The following CACNG6 variants were observed in gnomAD, a reference collection of about 807,000 sequenced individuals.
CACNG6 encodes the protein voltage-dependent calcium channel gamma-6 subunit.
Under a neutral mutation model 23.9 loss-of-function variants are expected in CACNG6, and 21 were observed. That is an observed-to-expected ratio of 0.88 (90% CI 0.62 to 1.26). CACNG6 has a LOEUF of 1.26. Ranked by LOEUF, CACNG6 falls within the 50% of genes most tolerant of loss-of-function variation. The probability of loss-of-function intolerance (pLI) is 0.00; values close to 1 mark genes in which losing one functional copy is unlikely to be tolerated. For missense variants in CACNG6, 340 were observed against 352.9 expected, an observed-to-expected ratio of 0.96 and a Z score of 0.29; for synonymous variants, 182 against 168.9, an observed-to-expected ratio of 1.08 and a Z score of -0.60.
intron 3 of CACNG6, among the ~76,000 whole-genome samples, chr19:54,004,122 A>G (rs948076259): frequency 6.6e-6 from 1 of 151,008 alleles, no homozygotes; most frequent in Non-Finnish European, 1.5e-5. Context: ...CTCCCAAACT[A>G]TTGGGATGAC....
At chr19:54,003,265 G>A (rs1204525116) in intron 3 of CACNG6, among the ~76,000 whole-genome samples, 1 of 152,210 alleles carries the variant, frequency 6.6e-6, no homozygotes, top group Non-Finnish European at 1.5e-5. Flanking sequence ...CTGGTGCATT[G>A]AAAGTCCTGC....
In CACNG6 at chr19:53,993,063, G is replaced by C; in HGVS notation, c.186G>C (p.Trp62Cys). The part of the protein sequence containing the change: ...LAVLSVGTEF[W>C]VELNTYKANG... ...TGCTGTCCGTGGGCACCGAGTTCTG[G>C]GTGGAGCTCAACACCTACAAGGCCA... Residue 62 changes from tryptophan (W) to cysteine (C), a missense_variant, in exon 1 of 4, where the codon TGG becomes TGC. Trp to Cys is a radical substitution (Grantham distance 215, BLOSUM62 -2). Coordinates refer to ENST00000252729, the MANE Select transcript of CACNG6 (RefSeq NM_145814.2). 1 of 1,530,564 alleles carries C rather than the reference G, an allele frequency of 6.5e-7. No homozygotes were observed. Among genetic ancestry groups the C allele is most frequent in the Non-Finnish European group, 8.8e-7 (1 of 1,138,084 alleles). The allele number at this position is 1,530,564 out of a possible 1,614,324, so 94.8% of individuals were successfully genotyped here.
rs1279871477 is a variant in CACNG6, at chr19:53,992,249, G to A, written c.-629G>A. The A allele has an allele frequency of 6.6e-6, 1 of 152,104 alleles. No individual in the cohort carries two copies. The highest frequency in any genetic ancestry group is 1.5e-5 in the Non-Finnish European group (1 of 68,042). 9.4% of individuals were successfully genotyped at this position (152,104 alleles called of 1,614,324 possible). A position where few individuals can be genotyped will look rare whatever the true frequency, so the allele number is the denominator to read the frequency against. On this transcript the variant is annotated 5_prime_UTR_variant, in exon 1 of 4. Transcript: ENST00000252729. This position sits in a 1 kb window ranked among gnomAD's most constrained non-coding sequence, Gnocchi z 4.1. ...TCCGACCTCCCCTTGGGAGCTTCCC[G>A]GGACCCCAGGTCTTCCTTTTCCGAA...
chr19:54,004,333 TTTTGTG>T (rs1167985172), intron 3 of CACNG6, among the ~76,000 whole-genome samples: 223 of 104,406 alleles, frequency 2.1e-3, no homozygotes, highest in Non-Finnish European at 2.6e-3. Context: ...AATTTTGTAT[TTTTGTG>T]TGTGTGTGTG....
chr19:54,006,517 C>CTTTTTTTTTTTTTTTTTTTTTTTT (rs1236056716), intron 3 of CACNG6, among the ~76,000 whole-genome samples: 24 of 107,324 alleles, frequency 2.2e-4, no homozygotes, highest in African/African-American at 8.6e-4. Context: ...TTCCTTCTTT[C>CTTTTTTTTTTTTTTTTTTTTTTTT]TTTTCTTTTT....
chr19:54,011,495 C>CCTACAGTG (rs1271569704), intron 3 of CACNG6, among the ~76,000 whole-genome samples: 1 of 151,030 alleles, frequency 6.6e-6, no homozygotes, highest in African/African-American at 2.4e-5. Context: ...CCATATTCAC[C>CCTACAGTG]CTACAGTGCT....
Position 54,012,471 on chromosome 19 carries a change from G to C in CACNG6, c.*282G>C, listed in dbSNP as rs903856487. 3.6e-6 allele frequency: 1 copy of C among 280,824 alleles called. No homozygotes were observed. The highest frequency in any genetic ancestry group is 2.2e-5 in the African/African-American group (1 of 45,304). The allele number at this position is 280,824 out of a possible 1,614,324, so 17.4% of individuals were successfully genotyped here. A position where few individuals can be genotyped will look rare whatever the true frequency, so the allele number is the denominator to read the frequency against. On this transcript the variant is annotated 3_prime_UTR_variant, in exon 4 of 4. Coordinates refer to ENST00000252729, the MANE Select transcript of CACNG6 (RefSeq NM_145814.2). ...GGCGGGGACCTGATGGGGTAGCTGG[G>C]GTGTGGGGTTGGGGGATGAGGTCAG...
Position 53,992,808 on chromosome 19 carries a change from C to G in CACNG6, c.-70C>G. The G allele has an allele frequency of 2.6e-6, 3 of 1,152,592 alleles. No individual in the cohort carries two copies. Among genetic ancestry groups the G allele is most frequent in the African/African-American group, 1.6e-5 (1 of 62,546 alleles). 71.4% of individuals were successfully genotyped at this position (1,152,592 alleles called of 1,614,324 possible). ...CCCCCTTCAAGACCCCAGGCCGCTC[C>G]TCGCTCCCGCCCCTCGAGGCCCTTC... On this transcript the variant is annotated 5_prime_UTR_variant, in exon 1 of 4. Coordinates refer to ENST00000252729, the MANE Select transcript of CACNG6 (RefSeq NM_145814.2). The surrounding 1 kb of genome is among the most constrained non-coding windows in gnomAD (Gnocchi z 4.1).
intron 1 of CACNG6, among the ~76,000 whole-genome samples, chr19:53,996,053 C>G (rs960021130): frequency 6.6e-6 from 1 of 152,240 alleles, no homozygotes; most frequent in Non-Finnish European, 1.5e-5. Flanking sequence ...CCTCGGGGTA[C>G]TTGGGGAGCG....
At chr19:54,002,566 G>A (rs2069592065) in intron 3 of CACNG6, among the ~76,000 whole-genome samples, 1 of 150,740 alleles carries the variant, frequency 6.6e-6, no homozygotes, top group South Asian at 2.1e-4. Context: ...GCTAGGAGCC[G>A]CTGAGGACGC....
intron 3 of CACNG6, among the ~76,000 whole-genome samples, chr19:54,007,662 T>C (rs1439988302): frequency 2.0e-5 from 3 of 152,136 alleles, no homozygotes; most frequent in Non-Finnish European, 2.9e-5. Context: ...TTTGGGAGGC[T>C]GAGGCAGGAG....
rs527777525 is a variant in CACNG6, at chr19:54,007,925, T to C, written c.545-4026T>C. Among the ~76,000 whole-genome samples, 7 of 150,670 alleles carry C rather than the reference T, an allele frequency of 4.6e-5. No individual in the cohort carries two copies. The East Asian group carries it at 1.4e-3, about 30-fold the overall frequency. On this transcript the variant is annotated intron_variant, in intron 3 of 3. Transcript: ENST00000252729. ...AAAGAGAAAAGAAAAAAAAAAAAGA[T>C]TGAATTAGGAAAGGAATGAAGGGGA...
intron 3 of CACNG6, among the ~76,000 whole-genome samples, chr19:54,009,204 C>T (rs1357399886): frequency 6.6e-6 from 1 of 151,888 alleles, no homozygotes; most frequent in Non-Finnish European, 1.5e-5. Context: ...AGGTGGATCA[C>T]AAGGTCAGAA....
At chr19:54,004,331 A>ATTTTTTT (rs532047922) in intron 3 of CACNG6, among the ~76,000 whole-genome samples, 3 of 84,318 alleles carry the variant, frequency 3.6e-5, no homozygotes, top group African/African-American at 2.1e-4. Context: ...TTAATTTTGT[A>ATTTTTTT]TTTTTGTGTG....
intron 3 of CACNG6, among the ~76,000 whole-genome samples, chr19:54,004,890 G>A (rs1287740892): frequency 6.6e-5 from 10 of 151,176 alleles, no homozygotes; most frequent in Non-Finnish European, 1.3e-4. Flanking sequence ...TGGTATCCAA[G>A]AAAATGTTAA....
intron 3 of CACNG6, among the ~76,000 whole-genome samples, chr19:54,008,087 G>C (rs1041854917): frequency 1.3e-5 from 2 of 152,044 alleles, no homozygotes; most frequent in South Asian, 4.1e-4. Context: ...GGCTGGGCAC[G>C]GTGGCTCAGG....
rs1174799698 is a variant in CACNG6, at chr19:54,002,275, G to GTTTT, written c.544+2509_544+2512dup. On this transcript the variant is annotated intron_variant, in intron 3 of 3. Coordinates refer to ENST00000252729, the MANE Select transcript of CACNG6 (RefSeq NM_145814.2). ...AGCCCGGCTAATTTTCGGTTTTTTT[G>GTTTT]TTTTTTTTGTTTTTTTTTTTTTTGT... Among the ~76,000 whole-genome samples the GTTTT allele has an allele frequency of 1.3e-3, 152 of 116,340 alleles. 5 individuals are homozygous for GTTTT. The highest frequency in any genetic ancestry group is 8.8e-3 in the Middle Eastern group (2 of 228). The allele number at this position is 116,340 out of a possible 152,430, so 76.3% of individuals were successfully genotyped here. A position where few individuals can be genotyped will look rare whatever the true frequency, so the allele number is the denominator to read the frequency against.
upstream of CACNG6, among the ~76,000 whole-genome samples, chr19:53,991,380 C>G (rs1239312162): frequency 6.6e-6 from 1 of 151,992 alleles, no homozygotes; most frequent in Non-Finnish European, 1.5e-5. Context: ...GCCCGGGAGA[C>G]TGCGGAGCTG....
intron 3 of CACNG6, among the ~76,000 whole-genome samples, chr19:54,002,208 T>C (rs1487756472): frequency 6.6e-6 from 1 of 151,782 alleles, no homozygotes; most frequent in Non-Finnish European, 1.5e-5. Context: ...CTCCCTACCT[T>C]TCAGCCTCCT....
Sources: gnomAD v4.1 joint callset for allele counts (sites outside exome capture counted in the v4.1 genomes callset) on GRCh38, gnomAD v4.1.1 for gene constraint, Gnocchi (gnomAD v3.1) non-coding constraint, MANE v1.5 for transcripts, NCBI Gene and HGNC (gene_info 2026-07-23, HGNC 2026-07-21) for gene names.